The following VWA7 variants were observed in gnomAD, a reference collection of about 807,000 sequenced individuals.
VWA7 encodes von Willebrand factor A domain containing 7, also known as von Willebrand factor A domain-containing protein 7.
VWA7 carries 66 observed loss-of-function variants against 83.1 expected under a neutral mutation model. The observed-to-expected ratio is 0.79, with a 90% confidence interval of 0.65 to 0.98. The LOEUF (loss-of-function observed/expected upper bound fraction) is 0.98. Ranked by LOEUF, VWA7 falls within the 50% of genes least tolerant of loss-of-function variation. The pLI is 0.00. For synonymous variants in VWA7, 424 were observed against 488.5 expected (o/e 0.87, Z 1.74); for missense variants, 1,080 against 1,160.2 (o/e 0.93, Z 1.00).
rs958847273 is a variant in VWA7 at position 31,777,039 on chromosome 6, C to T, written c.-16+70G>A. 7 of 412,012 alleles carry T rather than the reference C, an allele frequency of 1.7e-5. No individual in the cohort carries two copies. Among genetic ancestry groups the T allele is most frequent in the East Asian group, 1.4e-4 (4 of 28,018 alleles). The allele number at this position is 412,012 out of a possible 1,614,324, so 25.5% of individuals were successfully genotyped here. A position where few individuals can be genotyped will look rare whatever the true frequency, so the allele number is the denominator to read the frequency against. On this transcript the variant is annotated intron_variant, in intron 1 of 16. Coordinates refer to ENST00000375688, the MANE Select transcript of VWA7 (RefSeq NM_025258.3). The surrounding 1 kb of genome is among the most constrained non-coding windows in gnomAD (Gnocchi z 5.8). ...CGCCCCCCTCCCCAGTCCCTGGCTG[C>T]GTCCCCAGCCCTGCCGCAGAAACAC...
chr6:31,767,603 C>T lies in VWA7; in HGVS notation c.1636+19G>A, dbSNP rs995356047. 8 of 1,605,066 alleles carry T rather than the reference C, an allele frequency of 5.0e-6. No homozygotes were observed. Among genetic ancestry groups the T allele is most frequent in the Non-Finnish European group, 6.8e-6 (8 of 1,172,460 alleles). Reference sequence around the variant, plus strand: ...GTCTATTCCCCGGTCCCCTCTCTTCCCTCTACCTTCAGAGGTACCTGCAGG... The same window carrying T: ...GTCTATTCCCCGGTCCCCTCTCTTCTCTCTACCTTCAGAGGTACCTGCAGG... On this transcript the variant is annotated intron_variant, in intron 11 of 16. Transcript: ENST00000375688.
chr6:31,768,793 G>A (rs707933), intron 10 of VWA7, among the ~76,000 whole-genome samples: 4,418 of 151,836 alleles, frequency 0.029, 170 homozygotes, highest in African/African-American at 0.091. Flanking sequence ...GCAATGAGCC[G>A]AGATTGTGCC....
In VWA7 at chr6:31,773,452, G is replaced by A; in HGVS notation, c.722-15C>T. On this transcript the variant is annotated splice_polypyrimidine_tract_variant and intron_variant, in intron 5 of 16. Coordinates refer to ENST00000375688, the MANE Select transcript of VWA7 (RefSeq NM_025258.3). This position sits in a 1 kb window ranked among gnomAD's most constrained non-coding sequence, Gnocchi z 5.3. The stretch of plus-strand genomic sequence containing the variant: ...GCTACATTTCCCTGGGTTGGGGAAA[G>A]GGATCTGGAGAGTGGAGGTCAAAAA... 6.4e-7 allele frequency: 1 copy of A among 1,560,448 alleles called. No individual in the cohort carries two copies. The highest frequency in any genetic ancestry group is 1.2e-5 in the South Asian group (1 of 84,860).
rs1812673153 is a variant in VWA7 at position 31,776,190 on chromosome 6, G to T, written c.287C>A (p.Ser96Tyr). ...DLFAAYFGPG[S>Y]SRRFRAALGE... Reference sequence around the variant, plus strand: ...TAAGGCTGCTCGGAACCGCCGAGAAGAACCAGGTCCAAAGTAGGCGGCAAA... The same window carrying T: ...TAAGGCTGCTCGGAACCGCCGAGAATAACCAGGTCCAAAGTAGGCGGCAAA... The change falls in exon 3 of 17, where the codon TCT becomes TAT. Residue 96 changes from serine (S) to tyrosine (Y), a missense_variant. Physicochemically the swap from Ser to Tyr is moderately radical, Grantham distance 144 (BLOSUM62 -2). Transcript: ENST00000375688. This position sits in a 1 kb window ranked among gnomAD's most constrained non-coding sequence, Gnocchi z 6.2. 6.2e-7 allele frequency: 1 copy of T among 1,613,996 alleles called. No individual in the cohort carries two copies.
At position 31,775,358 on chromosome 6, in the gene VWA7, C is replaced by A. The variant is rs762616405; in HGVS notation, c.585G>T (p.Arg195Ser). Residue 195 changes from arginine (R) to serine (S), a missense_variant, in exon 4 of 17, where the codon AGG (arginine) becomes AGT (serine). Transcript: ENST00000375688. The surrounding 1 kb of genome is among the most constrained non-coding windows in gnomAD (Gnocchi z 5.9). ...QQPHPHLLWP[R>S]QELQNLAQVA... ...CTTGTGCCAGGTTCTGGAGCTCCTG[C>A]CTTGGCCAGAGGAGGTGAGGGTGTG... The A allele has an allele frequency of 1.2e-6, 2 of 1,612,642 alleles. No individual in the cohort carries two copies. Among genetic ancestry groups the A allele is most frequent in the Non-Finnish European group, 1.7e-6 (2 of 1,179,802 alleles).
At position 31,772,961 on chromosome 6, in the gene VWA7, A is replaced by G; in HGVS notation, c.1080T>C (p.His360=). 3 of 1,591,150 alleles carry G rather than the reference A, an allele frequency of 1.9e-6. No individual in the cohort carries two copies. The highest frequency in any genetic ancestry group is 2.6e-6 in the Non-Finnish European group (3 of 1,165,232). Residue 360 remains histidine (H), a synonymous_variant, in exon 7 of 17, where the codon CAT becomes CAC. Transcript: ENST00000375688. ...TAGCCAGACCACACTTACCTGGGTC[A>G]TGAAAAGGCACCAGGACATAGTGGA... The part of the protein sequence containing the change: ...EPVHYVLVPF[H]DPGFGPVFTT...
At position 31,773,374 on chromosome 6, in the gene VWA7, T is replaced by C; in HGVS notation, c.785A>G (p.Asn262Ser). The change falls in exon 6 of 17, where the codon AAC becomes AGC. Residue 262 changes from asparagine to serine, a missense_variant. Asn to Ser is a conservative substitution (Grantham distance 46). Transcript: ENST00000375688. This position sits in a 1 kb window ranked among gnomAD's most constrained non-coding sequence, Gnocchi z 5.3. ...GAAGCCTGGGGATGTGCTGTCCTTG[T>C]TGATGCCTCCCCTCGGTGGCTGGGA... ...SSSQPPRGGI[N>S]KDSTSPGFSP... is the part of the protein sequence containing the mutation. 1 of 1,607,496 alleles carries C rather than the reference T, an allele frequency of 6.2e-7. No individual in the cohort carries two copies. Among genetic ancestry groups the C allele is most frequent in the Non-Finnish European group, 8.5e-7 (1 of 1,177,240 alleles).
chr6:31,775,319 G>A lies in VWA7; in HGVS notation c.610+14C>T. The A allele has an allele frequency of 1.2e-6, 2 of 1,607,250 alleles. No individual in the cohort carries two copies. The highest frequency in any genetic ancestry group is 1.1e-5 in the South Asian group (1 of 90,368). Reference sequence around the variant, plus strand: ...CTGTGGACTCCTGCCTCACCACCAGGGTCACAGCCATACCTTGTGCCAGGT... The same window carrying A: ...CTGTGGACTCCTGCCTCACCACCAGAGTCACAGCCATACCTTGTGCCAGGT... On this transcript the variant is annotated intron_variant, in intron 4 of 16. Coordinates refer to ENST00000375688, the MANE Select transcript of VWA7 (RefSeq NM_025258.3). This position sits in a 1 kb window ranked among gnomAD's most constrained non-coding sequence, Gnocchi z 5.9.
chr6:31,776,037 G>T lies in VWA7; in HGVS notation c.440C>A (p.Thr147Asn), dbSNP rs1432456856. 1.2e-6 allele frequency: 2 copies of T among 1,613,486 alleles called. No homozygotes were observed. Among genetic ancestry groups the T allele is most frequent in the African/African-American group, 2.7e-5 (2 of 74,942 alleles). Residue 147 changes from threonine (T) to asparagine (N), a missense_variant, in exon 3 of 17, where the codon ACC becomes AAC. Physicochemically the swap from Thr to Asn is moderately conservative, Grantham distance 65. Coordinates refer to ENST00000375688, the MANE Select transcript of VWA7 (RefSeq NM_025258.3). This position sits in a 1 kb window ranked among gnomAD's most constrained non-coding sequence, Gnocchi z 6.2. ...RARLVGALRE[T>N]VVAARALDHT... ...GTCAAGGGCCCTGGCTGCCACCACG[G>T]TCTCCCGCAGAGCCCCTACCAGGCG...
At position 31,775,446 on chromosome 6, in the gene VWA7, G is replaced by A; in HGVS notation, c.514-17C>T. 6.2e-7 allele frequency: 1 copy of A among 1,607,692 alleles called. No homozygotes were observed. Among genetic ancestry groups the A allele is most frequent in the Non-Finnish European group, 8.5e-7 (1 of 1,176,932 alleles). On this transcript the variant is annotated splice_polypyrimidine_tract_variant and intron_variant, in intron 3 of 16. Transcript: ENST00000375688. This position sits in a 1 kb window ranked among gnomAD's most constrained non-coding sequence, Gnocchi z 5.9. Reference sequence around the variant, plus strand: ...GTAGAAATCCTGGTCCGGAGGACAGGAGAAGGGGAGTGAGGCACTAGTCTG... The same window carrying A: ...GTAGAAATCCTGGTCCGGAGGACAGAAGAAGGGGAGTGAGGCACTAGTCTG...
chr6:31,776,614 C>T lies in VWA7; in HGVS notation c.166G>A (p.Val56Ile), dbSNP rs114151296. The T allele has an allele frequency of 7.0e-4, 1,089 of 1,548,430 alleles. 7 individuals carry two copies. The African/African-American group carries it at 0.013, about 19-fold the overall frequency. ...TGCTCCAGGAAGAGCTGCAGGGTGA[C>T]GTTGAGCGCTGCCTCCTCAGTTAGG... is the stretch of plus-strand genomic sequence containing the variant. ...QDLTEEAALN[V>I]TLQLFLEQPP... The change falls in exon 2 of 17, where the codon GTC (valine) becomes ATC (isoleucine). Residue 56 changes from valine to isoleucine, a missense_variant. Val to Ile is a conservative substitution (Grantham distance 29). Coordinates refer to ENST00000375688, the MANE Select transcript of VWA7 (RefSeq NM_025258.3). This position sits in a 1 kb window ranked among gnomAD's most constrained non-coding sequence, Gnocchi z 6.2.
At chr6:31,771,990 C>CAAAAAA (rs34193146) in intron 7 of VWA7, among the ~76,000 whole-genome samples, 8 of 41,930 alleles carry the variant, frequency 1.9e-4, no homozygotes, top group Admixed American at 8.9e-4. Flanking sequence ...GACTCCGTCT[C>CAAAAAA]AAAAAAAAAA....
chr6:31,770,893 C>T (rs1373488941), intron 7 of VWA7, among the ~76,000 whole-genome samples: 1 of 151,580 alleles, frequency 6.6e-6, no homozygotes, highest in Admixed American at 6.6e-5. Context: ...CATCTGTAGT[C>T]CCAGCTACTC....
Position 31,777,002 on chromosome 6 carries a change from G to T in VWA7, c.-16+107C>A, listed in dbSNP as rs572173073. ...ACACCTGCCAGGAGAGGGGTCCAAG[G>T]TTCCTCCCCCACGCCCCCCTCCCCA... is the stretch of plus-strand genomic sequence containing the variant. On this transcript the variant is annotated intron_variant, in intron 1 of 16. Transcript: ENST00000375688. This position sits in a 1 kb window ranked among gnomAD's most constrained non-coding sequence, Gnocchi z 5.8. 8.0e-5 allele frequency: 34 copies of T among 423,580 alleles called. No individual in the cohort carries two copies. The South Asian group carries it at 1.2e-3, about 16-fold the overall frequency. 26.2% of individuals were successfully genotyped at this position (423,580 alleles called of 1,614,324 possible).
Position 31,767,263 on chromosome 6 carries a change from A to C in VWA7, c.1790-13T>G, listed in dbSNP as rs1811701829. The C allele has an allele frequency of 6.2e-7, 1 of 1,611,990 alleles. No individual in the cohort carries two copies. Among genetic ancestry groups the C allele is most frequent in the Admixed American group, 1.7e-5 (1 of 59,698 alleles). ...AGGGAGGTCTGGGCTGGGAAAGGGC[A>C]AAGGCAGTCAGAGCCCTTCCTGAAA... On this transcript the variant is annotated splice_polypyrimidine_tract_variant and intron_variant, in intron 12 of 16. Transcript: ENST00000375688.
At position 31,775,492 on chromosome 6, in the gene VWA7, C is replaced by T; in HGVS notation, c.514-63G>A. Reference sequence around the variant, plus strand: ...GTCTGGCCTTTCTCACCATCTCCAGCACTAATATGCCACTCCTTTGAGTTC... The same window carrying T: ...GTCTGGCCTTTCTCACCATCTCCAGTACTAATATGCCACTCCTTTGAGTTC... On this transcript the variant is annotated intron_variant, in intron 3 of 16. Coordinates refer to ENST00000375688, the MANE Select transcript of VWA7 (RefSeq NM_025258.3). The surrounding 1 kb of genome is among the most constrained non-coding windows in gnomAD (Gnocchi z 5.9). The T allele has an allele frequency of 7.0e-7, 1 of 1,435,456 alleles. No individual in the cohort carries two copies. 88.9% of individuals were successfully genotyped at this position (1,435,456 alleles called of 1,614,324 possible).
At position 31,775,228 on chromosome 6, in the gene VWA7, T is replaced by C; in HGVS notation, c.610+105A>G. The C allele has an allele frequency of 1.0e-6, 1 of 994,032 alleles. No individual in the cohort carries two copies. The highest frequency in any genetic ancestry group is 1.4e-6 in the Non-Finnish European group (1 of 690,712). The allele number at this position is 994,032 out of a possible 1,614,324, so 61.6% of individuals were successfully genotyped here. A position where few individuals can be genotyped will look rare whatever the true frequency, so the allele number is the denominator to read the frequency against. Reference sequence around the variant, plus strand: ...TGGGGGACCTCAGTCCTTGTGGAGATTAAGTAACATCATACCCTCTGGGAC... The same window carrying C: ...TGGGGGACCTCAGTCCTTGTGGAGACTAAGTAACATCATACCCTCTGGGAC... On this transcript the variant is annotated intron_variant, in intron 4 of 16. Coordinates refer to ENST00000375688, the MANE Select transcript of VWA7 (RefSeq NM_025258.3). This position sits in a 1 kb window ranked among gnomAD's most constrained non-coding sequence, Gnocchi z 5.9.
At position 31,766,283 on chromosome 6, in the gene VWA7, G is replaced by A. The variant is rs772912845; in HGVS notation, c.2286C>T (p.Phe762=). 5 of 1,612,434 alleles carry A rather than the reference G, an allele frequency of 3.1e-6. No homozygotes were observed. Among genetic ancestry groups the A allele is most frequent in the African/African-American group, 2.7e-5 (2 of 74,918 alleles). The change falls in exon 15 of 17, where the codon TTC becomes TTT. Residue 762 remains phenylalanine, a synonymous_variant. Transcript: ENST00000375688. This position sits in a 1 kb window ranked among gnomAD's most constrained non-coding sequence, Gnocchi z 4.9. The part of the protein sequence containing the change: ...SGPQDLDLRT[F]VNPSFSLTSN... ...AGGTGAGGGAGAAGCTGGGGTTGAC[G>A]AAAGTCCTAAGGTCAAGATCCTGAG...
rs753750930 is a variant in VWA7 at position 31,769,091 on chromosome 6, C to A, written c.1430G>T (p.Gly477Val). Residue 477 changes from glycine to valine, a missense_variant, in exon 10 of 17, where the codon GGA becomes GTA. Physicochemically the swap from Gly to Val is moderately radical, Grantham distance 109. Coordinates refer to ENST00000375688, the MANE Select transcript of VWA7 (RefSeq NM_025258.3). The surrounding 1 kb of genome is among the most constrained non-coding windows in gnomAD (Gnocchi z 4.5). ...CTGGTCTTTGGTGAAGATCACCTCT[C>A]CTCCTGAGGCCAGGGCCACTGCTTT... is the stretch of plus-strand genomic sequence containing the variant. ...PYKAVALASG[G>V]EVIFTKDQHI... 5.0e-6 allele frequency: 8 copies of A among 1,613,004 alleles called. No individual in the cohort carries two copies. The highest frequency in any genetic ancestry group is 6.8e-6 in the Non-Finnish European group (8 of 1,180,046).
Sources: gnomAD v4.1 joint callset for allele counts (sites outside exome capture counted in the v4.1 genomes callset) on GRCh38, gnomAD v4.1.1 for gene constraint, Gnocchi (gnomAD v3.1) non-coding constraint, MANE v1.5 for transcripts, NCBI Gene and HGNC (gene_info 2026-07-23, HGNC 2026-07-21) for gene names.